The following NKAIN2 variants were observed in gnomAD, a reference collection of about 807,000 sequenced individuals.
The protein encoded by NKAIN2 is sodium/potassium transporting ATPase interacting 2.
In NKAIN2, 14 loss-of-function variants were observed where a neutral mutation model predicts 32.6. The ratio of observed to expected loss-of-function variants is 0.43; its 90% CI spans 0.28 to 0.67. The LOEUF (loss-of-function observed/expected upper bound fraction) is 0.67. Ranked by LOEUF, NKAIN2 falls within the 30% of genes least tolerant of loss-of-function variation. NKAIN2 has a pLI of 0.17. For missense variants in NKAIN2, 198 were observed against 258.3 expected (o/e 0.77, Z 1.60); for synonymous variants, 80 against 87.2 (o/e 0.92, Z 0.46).
intron 1 of NKAIN2, among the ~76,000 whole-genome samples, chr6:124,242,685 G>A (rs771830420): frequency 2.2e-4 from 34 of 151,958 alleles, no homozygotes; most frequent in Middle Eastern, 3.4e-3. Flanking sequence ...AAATGTGGAC[G>A]TATACACCAT....
chr6:123,958,273 A>C (rs2114604695), intron 1 of NKAIN2, among the ~76,000 whole-genome samples: 1 of 152,296 alleles, frequency 6.6e-6, no homozygotes, highest in Admixed American at 6.5e-5. Flanking sequence ...AGAAATCATC[A>C]GGAAAAGAAA....
chr6:124,521,771 G>T (rs1034077791), intron 3 of NKAIN2, among the ~76,000 whole-genome samples: 21 of 152,042 alleles, frequency 1.4e-4, no homozygotes, highest in Non-Finnish European at 2.8e-4. Flanking sequence ...CCCTTGATGT[G>T]TTCAGTTGTA....
intron 3 of NKAIN2, among the ~76,000 whole-genome samples, chr6:124,638,868 G>T (rs1783875813): frequency 7.3e-6 from 1 of 136,742 alleles, no homozygotes; most frequent in African/African-American, 2.8e-5. Flanking sequence ...TCCAGCCTGG[G>T]GGCAGAGTGA....
At chr6:124,019,976 T>G (rs1030015168) in intron 1 of NKAIN2, among the ~76,000 whole-genome samples, 2 of 152,218 alleles carry the variant, frequency 1.3e-5, no homozygotes, top group East Asian at 1.9e-4. Context: ...TAAACTTGAA[T>G]AGTCTCAATG....
At chr6:124,077,136 A>T (rs2114896311) in intron 1 of NKAIN2, among the ~76,000 whole-genome samples, 1 of 152,316 alleles carries the variant, frequency 6.6e-6, no homozygotes, top group East Asian at 1.9e-4. Context: ...CAAGGCCATC[A>T]TTCTGAGCAT....
chr6:123,903,974 T>A (rs1239570029), intron 1 of NKAIN2, among the ~76,000 whole-genome samples: 1 of 151,570 alleles, frequency 6.6e-6, no homozygotes, highest in African/African-American at 2.4e-5. Flanking sequence ...ACGCCTGTAA[T>A]CACAGCACTT....
intron 4 of NKAIN2, chr6:124,658,818 T>C (rs1784637755): frequency 4.6e-6 from 1 of 217,822 alleles, no homozygotes; most frequent in Non-Finnish European, 9.0e-6. Flanking sequence ...ATTTGCCCTA[T>C]CTCCTTCTTC....
intron 1 of NKAIN2, among the ~76,000 whole-genome samples, chr6:124,218,194 A>C (rs948657333): frequency 6.6e-6 from 1 of 152,306 alleles, no homozygotes; most frequent in Admixed American, 6.5e-5. Context: ...ATGTTAATGT[A>C]GTAAGAGTTG....
chr6:124,065,677 A>G (rs1347245081), intron 1 of NKAIN2, among the ~76,000 whole-genome samples: 3 of 152,118 alleles, frequency 2.0e-5, no homozygotes, highest in Non-Finnish European at 4.4e-5. Context: ...ATAAATTTCT[A>G]TTGTTTATAG....
chr6:124,595,282 TC>T (rs1474474436), intron 3 of NKAIN2, among the ~76,000 whole-genome samples: 8 of 152,118 alleles, frequency 5.3e-5, no homozygotes, highest in African/African-American at 1.4e-4. Flanking sequence ...CCTTCAGCAC[TC>T]CCTTTGACTG....
chr6:124,677,017 G>A (rs1326972825), intron 4 of NKAIN2, among the ~76,000 whole-genome samples: 1 of 152,096 alleles, frequency 6.6e-6, no homozygotes, highest in Admixed American at 6.5e-5. Flanking sequence ...CGCCCAGACT[G>A]GAGTCCAGTG....
At chr6:124,435,070 A>T (rs1452748417) in intron 3 of NKAIN2, among the ~76,000 whole-genome samples, 2 of 152,200 alleles carry the variant, frequency 1.3e-5, no homozygotes, top group Non-Finnish European at 2.9e-5. Flanking sequence ...TTTTGAGAGA[A>T]CTAATCAGAG....
At position 124,634,965 on chromosome 6, in the gene NKAIN2, GAGAA is replaced by G. The variant is rs550936859; in HGVS notation, c.274-23209_274-23206del. 4.3e-3 allele frequency among the ~76,000 whole-genome samples: 630 copies of G among 145,548 alleles called. 3 individuals carry two copies. The highest frequency in any genetic ancestry group is 6.8e-3 in the Non-Finnish European group (447 of 65,828). ...AGGTAATATATTCAAAGTGCTGAAA[GAGAA>G]AGAAAGAAAGAGAAAGAAGAGAGAA... On this transcript the variant is annotated intron_variant, in intron 3 of 6. Transcript: ENST00000368417.
chr6:124,500,377 G>A (rs6926817), intron 3 of NKAIN2, among the ~76,000 whole-genome samples: 39,074 of 151,790 alleles, frequency 0.26, 5,924 homozygotes, highest in Middle Eastern at 0.38. Context: ...GGCCAGGTGC[G>A]GTGGCTCGTT....
At chr6:124,391,421 C>G (rs895512653) in intron 3 of NKAIN2, among the ~76,000 whole-genome samples, 1 of 152,060 alleles carries the variant, frequency 6.6e-6, no homozygotes, top group Non-Finnish European at 1.5e-5. Flanking sequence ...GGCTGTGCCT[C>G]TCTTGTTCAC....
chr6:124,040,615 G>C (rs1781825672), intron 1 of NKAIN2, among the ~76,000 whole-genome samples: 1 of 151,942 alleles, frequency 6.6e-6, no homozygotes, highest in East Asian at 1.9e-4. Flanking sequence ...CAACCATCAA[G>C]TTATGTGCTA....
chr6:124,233,720 T>C (rs1201971167), intron 1 of NKAIN2, among the ~76,000 whole-genome samples: 4 of 152,198 alleles, frequency 2.6e-5, no homozygotes. Flanking sequence ...TTTTATGTGA[T>C]GTCTACTAGG....
intron 1 of NKAIN2, among the ~76,000 whole-genome samples, chr6:124,063,706 A>T (rs1026961214): frequency 6.6e-6 from 1 of 152,102 alleles, no homozygotes; most frequent in Non-Finnish European, 1.5e-5. Context: ...TTTTTCTGTT[A>T]TATAAATCTT....
chr6:124,593,948 T>G (rs1162403330), intron 3 of NKAIN2, among the ~76,000 whole-genome samples: 1 of 152,232 alleles, frequency 6.6e-6, no homozygotes, highest in Non-Finnish European at 1.5e-5. Context: ...GAGGTTATCT[T>G]AAAGATTAAA....
Sources: gnomAD v4.1 joint callset for allele counts (sites outside exome capture counted in the v4.1 genomes callset) on GRCh38, gnomAD v4.1.1 for gene constraint, MANE v1.5 for transcripts, NCBI Gene and HGNC (gene_info 2026-07-23, HGNC 2026-07-21) for gene names.